Variants in C10orf67 observed in about 807,000 individuals in gnomAD.
The protein encoded by C10orf67 is uncharacterized protein C10orf67, mitochondrial.
C10orf67 carries 60 observed loss-of-function variants against 35.6 expected under a neutral mutation model. The observed-to-expected ratio is 1.68, with a 90% CI of 1.37 to 2.09. C10orf67 has a LOEUF of 2.09. Ranked by LOEUF, C10orf67 falls within the 30% of genes most tolerant of loss-of-function variation. The pLI is 0.00. For synonymous variants in C10orf67, 167 were observed against 115.8 expected (o/e 1.44, Z -2.84); for missense variants, 474 against 330.2 (o/e 1.44, Z -3.38).
chr10:23,329,078 T>A (rs558353221), intron 2 of C10orf67, among the ~76,000 whole-genome samples: 162 of 131,804 alleles, frequency 1.2e-3, no homozygotes, highest in Middle Eastern at 4.3e-3. Context: ...GAATAATAAA[T>A]ATAGGGAAAT....
chr10:23,225,859 G>C (rs1217078599), intron 13 of C10orf67, among the ~76,000 whole-genome samples: 3 of 152,232 alleles, frequency 2.0e-5, no homozygotes, highest in South Asian at 2.1e-4. Flanking sequence ...GGAGCAGCCA[G>C]ATTCATAAAG....
chr10:23,301,803 T>C (rs1844086269), intron 5 of C10orf67, among the ~76,000 whole-genome samples: 2 of 152,206 alleles, frequency 1.3e-5, no homozygotes, highest in African/African-American at 2.4e-5. Flanking sequence ...TATAGCTCTA[T>C]TAGAAGCCAT....
intron 4 of C10orf67, among the ~76,000 whole-genome samples, chr10:23,314,692 C>T (rs567221045): frequency 2.0e-5 from 3 of 152,082 alleles, no homozygotes; most frequent in East Asian, 3.9e-4. Flanking sequence ...GAAAAATCCA[C>T]TTTTTTTTCA....
intron 1 of C10orf67, among the ~76,000 whole-genome samples, chr10:23,336,448 T>C (rs1184714940): frequency 6.6e-6 from 1 of 152,200 alleles, no homozygotes; most frequent in Non-Finnish European, 1.5e-5. Flanking sequence ...CCTAGAAGAA[T>C]GGCACTCCAG....
chr10:23,266,717 G>T (rs1000026871), intron 9 of C10orf67, among the ~76,000 whole-genome samples: 4 of 152,080 alleles, frequency 2.6e-5, no homozygotes, highest in African/African-American at 7.2e-5. Context: ...TATGTGGAGG[G>T]GGGTGGGTGG....
chr10:23,267,380 T>G, intron 8 of C10orf67, 126 bp from the exon 9 acceptor site: 1 of 544,300 alleles, frequency 1.8e-6, no homozygotes, highest in South Asian at 2.9e-5. Flanking sequence ...AAAACGATTA[T>G]GGGATAAAAG....
In C10orf67 at chr10:23,322,470, C is replaced by A; in HGVS notation, c.395G>T (p.Arg132Leu). 1 of 1,611,982 alleles carries A rather than the reference C, an allele frequency of 6.2e-7. No individual in the cohort carries two copies. Among genetic ancestry groups the A allele is most frequent in the Non-Finnish European group, 8.5e-7 (1 of 1,178,136 alleles). ...GAGACTCAAAGATTCCTCTTTCAGTCGGTCCTCAAACTTCAACTGAAGCAA... is the reference window on the plus strand; with the variant it reads ...GAGACTCAAAGATTCCTCTTTCAGTAGGTCCTCAAACTTCAACTGAAGCAA... The part of the protein sequence containing the change: ...KQLLQLKFED[R>L]LKEESLSLFT... The change falls in exon 3 of 16, where the codon CGA (arginine) becomes CTA (leucine). Residue 132 changes from arginine to leucine, a missense_variant. Arg to Leu is a moderately radical substitution (Grantham distance 102, BLOSUM62 -2). Transcript: ENST00000636213.
intron 15 of C10orf67, among the ~76,000 whole-genome samples, chr10:23,214,839 A>G (rs1178598079): frequency 1.3e-5 from 2 of 152,184 alleles, no homozygotes; most frequent in East Asian, 3.9e-4. Context: ...CCTGGACAAC[A>G]TGGCAAAATC....
chr10:23,242,664 T>C (rs1193768235), intron 12 of C10orf67, among the ~76,000 whole-genome samples: 4 of 152,098 alleles, frequency 2.6e-5, no homozygotes, highest in Non-Finnish European at 5.9e-5. Context: ...CTAGAATACT[T>C]GGGAAATTGG....
chr10:23,285,511 GT>G lies in C10orf67; in HGVS notation c.910-3434del, dbSNP rs202203075. Among the ~76,000 whole-genome samples, 468 of 151,442 alleles carry G rather than the reference GT, an allele frequency of 3.1e-3. 14 individuals are homozygous for G. The East Asian group carries it at 0.05, about 16-fold the overall frequency. On this transcript the variant is annotated intron_variant, in intron 7 of 15. Transcript: ENST00000636213. ...TAGGTAAAAGCAATTTTAATAATGT[GT>G]TTTTTATCCCAATATATATTCAAAA... is the stretch of plus-strand genomic sequence containing the variant.
chr10:23,281,189 A>C (rs1282758227), intron 8 of C10orf67, among the ~76,000 whole-genome samples: 2 of 152,148 alleles, frequency 1.3e-5, no homozygotes, highest in East Asian at 3.9e-4. Flanking sequence ...ATTGTTTTGC[A>C]TTAATTTCTA....
chr10:23,328,993 CAAAA>C (rs57772405), intron 2 of C10orf67, among the ~76,000 whole-genome samples: 10 of 78,730 alleles, frequency 1.3e-4, no homozygotes, highest in African/African-American at 3.9e-4. Flanking sequence ...CATAAACGAA[CAAAA>C]AAAAAAAAAA....
intron 2 of C10orf67, among the ~76,000 whole-genome samples, chr10:23,325,518 A>C (rs1845152838): frequency 6.7e-6 from 1 of 149,844 alleles, no homozygotes; most frequent in Non-Finnish European, 1.5e-5. Flanking sequence ...TAATCCAAAC[A>C]AGTTAATTGT....
intron 5 of C10orf67, among the ~76,000 whole-genome samples, chr10:23,294,576 T>C (rs1843822147): frequency 6.6e-6 from 1 of 152,224 alleles, no homozygotes; most frequent in African/African-American, 2.4e-5. Flanking sequence ...ATGAAGTTGC[T>C]CTTGGGAAAA....
At chr10:23,230,382 T>C (rs1009042900) in intron 13 of C10orf67, among the ~76,000 whole-genome samples, 1 of 152,072 alleles carries the variant, frequency 6.6e-6, no homozygotes, top group African/African-American at 2.4e-5. Flanking sequence ...GAATAATACA[T>C]TTGTGATTAA....
At chr10:23,298,150 G>C (rs1843954361) in intron 5 of C10orf67, among the ~76,000 whole-genome samples, 1 of 152,194 alleles carries the variant, frequency 6.6e-6, no homozygotes, top group South Asian at 2.1e-4. Context: ...AGCTACTCGG[G>C]AGGCTGAGGC....
Position 23,223,628 on chromosome 10 carries a change from C to G in C10orf67, c.1540G>C (p.Asp514His). Residue 514 changes from aspartate to histidine, a missense_variant, in exon 15 of 16, where the codon GAT becomes CAT. By Grantham distance (81) the Asp-to-His change is moderately conservative (BLOSUM62 -1). Transcript: ENST00000636213. ...IDGKHVDVVSDQAALQLSPKG... is the reference protein window; with the variant it reads ...IDGKHVDVVSHQAALQLSPKG... ...GGTGAAAGTTGAAGGGCTGCCTGAT[C>G]ACTGACTACATCCACATGCTTACCG... is the stretch of plus-strand genomic sequence containing the variant. 1 of 717,538 alleles carries G rather than the reference C, an allele frequency of 1.4e-6. No homozygotes were observed. The highest frequency in any genetic ancestry group is 2.6e-6 in the Non-Finnish European group (1 of 384,996). 44.4% of individuals were successfully genotyped at this position (717,538 alleles called of 1,614,324 possible).
intron 13 of C10orf67, among the ~76,000 whole-genome samples, chr10:23,227,374 A>G (rs1169173166): frequency 6.6e-6 from 1 of 152,222 alleles, no homozygotes; most frequent in African/African-American, 2.4e-5. Flanking sequence ...AAGGCCTTTG[A>G]CAAAATTCAA....
At chr10:23,267,363 G>A in intron 8 of C10orf67, 109 bp from the exon 9 acceptor site, 2 of 545,260 alleles carry the variant, frequency 3.7e-6, no homozygotes, top group Non-Finnish European at 6.6e-6. Flanking sequence ...TAAACCATTT[G>A]TCTCCCAAAA....
Sources: allele counts gnomAD v4.1 joint callset (sites outside exome capture counted in the v4.1 genomes callset), GRCh38; gene constraint gnomAD v4.1.1; transcripts MANE v1.5; gene names NCBI Gene and HGNC (gene_info 2026-07-23, HGNC 2026-07-21).